Variants in ADGRB2 observed in about 807,000 individuals in gnomAD.
ADGRB2 encodes the protein adhesion G protein-coupled receptor B2, also known as brain-specific angiogenesis inhibitor 2.
In ADGRB2, 47 loss-of-function variants were observed where a neutral mutation model predicts 178.7. The ratio of observed to expected loss-of-function variants is 0.26; its 90% CI spans 0.21 to 0.34. The LOEUF (loss-of-function observed/expected upper bound fraction) is 0.34, where lower values mean the gene tolerates loss of function less well. ADGRB2 is among the 10% of genes least tolerant of loss of function. The probability of loss-of-function intolerance (pLI) is 1.00; values close to 1 mark genes in which losing one functional copy is unlikely to be tolerated. For missense variants in ADGRB2, 1,584 were observed against 2,180.8 expected (o/e 0.73, Z 5.45); for synonymous variants, 870 against 912.4 (o/e 0.95, Z 0.84).
intron 1 of ADGRB2, among the ~76,000 whole-genome samples, chr1:31,760,378 A>G (rs1039367030): frequency 1.3e-5 from 2 of 150,600 alleles, no homozygotes; most frequent in African/African-American, 4.9e-5. Context: ...CAAGAATCTC[A>G]CTCTGCCCAA....
In ADGRB2 at chr1:31,753,597, C is replaced by T. The variant is rs556858750; in HGVS notation, c.838+2402G>A. On this transcript the variant is annotated intron_variant, in intron 4 of 32. Coordinates refer to ENST00000373658, the MANE Select transcript of ADGRB2 (RefSeq NM_001364857.2). The surrounding 1 kb of genome is among the most constrained non-coding windows in gnomAD (Gnocchi z 4.1). ...CCCTTCCTGCTCACTACCATCCCCA[C>T]GAATCTTGCTCTCAGTCTGGCAGCT... Among the ~76,000 whole-genome samples, 3 of 152,198 alleles carry T rather than the reference C, an allele frequency of 2.0e-5. No individual in the cohort carries two copies. The highest frequency in any genetic ancestry group is 3.8e-4 in the East Asian group (2 of 5,196).
At position 31,740,895 on chromosome 1, in the gene ADGRB2, G is replaced by GCACACACACATA. The variant is rs1553185116; in HGVS notation, c.1795-355_1795-354insTATGTGTGTGTG. Among the ~76,000 whole-genome samples the GCACACACACATA allele has an allele frequency of 7.1e-6, 1 of 140,390 alleles. No individual in the cohort carries two copies. The highest frequency in any genetic ancestry group is 2.4e-4 in the South Asian group (1 of 4,246). The allele number at this position is 140,390 out of a possible 152,430, so 92.1% of individuals were successfully genotyped here. On this transcript the variant is annotated intron_variant, in intron 11 of 32. Coordinates refer to ENST00000373658, the MANE Select transcript of ADGRB2 (RefSeq NM_001364857.2). This position sits in a 1 kb window ranked among gnomAD's most constrained non-coding sequence, Gnocchi z 5.9. ...AATGAGCATGTGTGTGGGCGCGCGC[G>GCACACACACATA]CACACACACACACACACACACACAC...
At position 31,741,251 on chromosome 1, in the gene ADGRB2, G is replaced by T; in HGVS notation, c.1794+122C>A. On this transcript the variant is annotated intron_variant, in intron 11 of 32. Coordinates refer to ENST00000373658, the MANE Select transcript of ADGRB2 (RefSeq NM_001364857.2). This position sits in a 1 kb window ranked among gnomAD's most constrained non-coding sequence, Gnocchi z 6.5. ...TGCCAGACAAGGAGAGGCACAGCCA[G>T]GCAGAAGTGGGCACAGCATATGCCA... is the stretch of plus-strand genomic sequence containing the variant. 1.0e-6 allele frequency: 1 copy of T among 991,184 alleles called. No homozygotes were observed. The highest frequency in any genetic ancestry group is 1.5e-6 in the Non-Finnish European group (1 of 664,808). The allele number at this position is 991,184 out of a possible 1,614,324, so 61.4% of individuals were successfully genotyped here.
rs200841361 is a variant in ADGRB2 at position 31,756,845 on chromosome 1, C to T, written c.22-30G>A. ...GGAGAGAGACAGTGGTCAGCGGGCC[C>T]CCAGCACAGCCAGCATGGGCTCTGA... On this transcript the variant is annotated intron_variant, in intron 3 of 32. Transcript: ENST00000373658. This position sits in a 1 kb window ranked among gnomAD's most constrained non-coding sequence, Gnocchi z 8.5. The T allele has an allele frequency of 1.8e-5, 26 of 1,449,246 alleles. No homozygotes were observed. Among genetic ancestry groups the T allele is most frequent in the Admixed American group, 2.8e-5 (1 of 35,396 alleles). The allele number at this position is 1,449,246 out of a possible 1,614,324, so 89.8% of individuals were successfully genotyped here.
At position 31,744,076 on chromosome 1, in the gene ADGRB2, G is replaced by T; in HGVS notation, c.1087+117C>A. 1 of 1,308,946 alleles carries T rather than the reference G, an allele frequency of 7.6e-7. No individual in the cohort carries two copies. Among genetic ancestry groups the T allele is most frequent in the Non-Finnish European group, 1.0e-6 (1 of 971,688 alleles). 81.1% of individuals were successfully genotyped at this position (1,308,946 alleles called of 1,614,324 possible). A position where few individuals can be genotyped will look rare whatever the true frequency, so the allele number is the denominator to read the frequency against. On this transcript the variant is annotated intron_variant, in intron 6 of 32. Coordinates refer to ENST00000373658, the MANE Select transcript of ADGRB2 (RefSeq NM_001364857.2). The surrounding 1 kb of genome is among the most constrained non-coding windows in gnomAD (Gnocchi z 6.7). ...AGAGTTGGGCATGGTGTGGGGAACAGCCACATTTGTTGAATGAAAGGAGGA... is the reference window on the plus strand; with the variant it reads ...AGAGTTGGGCATGGTGTGGGGAACATCCACATTTGTTGAATGAAAGGAGGA...
chr1:31,740,886 G>GGCGCGC lies in ADGRB2; in HGVS notation c.1795-351_1795-346dup, dbSNP rs199971730. 9.6e-6 allele frequency among the ~76,000 whole-genome samples: 1 copy of GGCGCGC among 104,704 alleles called. No homozygotes were observed. The highest frequency in any genetic ancestry group is 2.0e-5 in the Non-Finnish European group (1 of 50,668). 68.7% of individuals were successfully genotyped at this position (104,704 alleles called of 152,430 possible). A position where few individuals can be genotyped will look rare whatever the true frequency, so the allele number is the denominator to read the frequency against. On this transcript the variant is annotated intron_variant, in intron 11 of 32. Transcript: ENST00000373658. This position sits in a 1 kb window ranked among gnomAD's most constrained non-coding sequence, Gnocchi z 5.9. ...CTGGAGTGTAATGAGCATGTGTGTGGGCGCGCGCGCACACACACACACACA... is the reference window on the plus strand; with the variant it reads ...CTGGAGTGTAATGAGCATGTGTGTGGGCGCGCGCGCGCGCGCACACACACACACACA...
rs1203973967 is a variant in ADGRB2 at position 31,742,218 on chromosome 1, C to T, written c.1253-1G>A. On this transcript the variant is annotated splice_acceptor_variant, in intron 7 of 32. Transcript: ENST00000373658. LOFTEE classifies it high-confidence loss of function. Reference sequence around the variant, plus strand: ...CCCCATTCTAACCACTGGCCTTCCACTGCATGGGGAGACACAAGCAGGGGT... The same window carrying T: ...CCCCATTCTAACCACTGGCCTTCCATTGCATGGGGAGACACAAGCAGGGGT... The T allele has an allele frequency of 4.4e-6, 7 of 1,595,376 alleles. No homozygotes were observed. The highest frequency in any genetic ancestry group is 6.0e-6 in the Non-Finnish European group (7 of 1,169,440).
At chr1:31,739,684 AG>A (rs1227169697) in intron 14 of ADGRB2, 49 bp from the exon 15 acceptor site, 1 of 1,530,346 alleles carries the variant, frequency 6.5e-7, no homozygotes, top group Admixed American at 2.0e-5. Flanking sequence ...GCAGAAACAA[AG>A]GGTGGCAGAC....
In ADGRB2 at chr1:31,727,958, G is replaced by A. The variant is rs1407947600; in HGVS notation, c.4572+67C>T. The A allele has an allele frequency of 2.0e-6, 3 of 1,495,528 alleles. No homozygotes were observed. Among genetic ancestry groups the A allele is most frequent in the Non-Finnish European group, 2.7e-6 (3 of 1,120,590 alleles). 92.6% of individuals were successfully genotyped at this position (1,495,528 alleles called of 1,614,324 possible). A position where few individuals can be genotyped will look rare whatever the true frequency, so the allele number is the denominator to read the frequency against. On this transcript the variant is annotated intron_variant, in intron 32 of 32. Coordinates refer to ENST00000373658, the MANE Select transcript of ADGRB2 (RefSeq NM_001364857.2). The surrounding 1 kb of genome is among the most constrained non-coding windows in gnomAD (Gnocchi z 4.4). ...GACAGGCTGGGGTTGCCTGGGAGGGGCAGGAGGGCAGGGAGGGCACGGGTC... is the reference window on the plus strand; with the variant it reads ...GACAGGCTGGGGTTGCCTGGGAGGGACAGGAGGGCAGGGAGGGCACGGGTC...
rs763855122 is a variant in ADGRB2 at position 31,755,452 on chromosome 1, T to A, written c.838+547A>T. On this transcript the variant is annotated intron_variant, in intron 4 of 32. Coordinates refer to ENST00000373658, the MANE Select transcript of ADGRB2 (RefSeq NM_001364857.2). This position sits in a 1 kb window ranked among gnomAD's most constrained non-coding sequence, Gnocchi z 5.1. ...CCAAGGCAGCCTGGAAGCTCAGGCCTCTTCACCCAGGGACACTCTTCCTTG... is the reference window on the plus strand; with the variant it reads ...CCAAGGCAGCCTGGAAGCTCAGGCCACTTCACCCAGGGACACTCTTCCTTG... Among the ~76,000 whole-genome samples, 1 of 152,106 alleles carries A rather than the reference T, an allele frequency of 6.6e-6. No individual in the cohort carries two copies. Among genetic ancestry groups the A allele is most frequent in the Non-Finnish European group, 1.5e-5 (1 of 68,010 alleles).
At chr1:31,736,885 A>C (rs1645638070) in intron 20 of ADGRB2, among the ~76,000 whole-genome samples, 162 bp from the exon 21 acceptor site, 1 of 152,104 alleles carries the variant, frequency 6.6e-6, no homozygotes, top group Non-Finnish European at 1.5e-5. Flanking sequence ...ACCCACACAC[A>C]GCACGACACG....
Position 31,728,756 on chromosome 1 carries a change from G to T in ADGRB2, c.4381-123C>A, listed in dbSNP as rs1003022755. The T allele has an allele frequency of 1.7e-6, 2 of 1,180,398 alleles. No individual in the cohort carries two copies. The highest frequency in any genetic ancestry group is 1.2e-5 in the South Asian group (1 of 80,016). 73.1% of individuals were successfully genotyped at this position (1,180,398 alleles called of 1,614,324 possible). ...CCGCTGCACCTTCCCCCCAACCCAG[G>T]CCCAGAAGTTGCGGACCTTCATGGG... On this transcript the variant is annotated intron_variant, in intron 29 of 32. Transcript: ENST00000373658. The surrounding 1 kb of genome is among the most constrained non-coding windows in gnomAD (Gnocchi z 6.7).
intron 20 of ADGRB2, among the ~76,000 whole-genome samples, 185 bp from the exon 21 acceptor site, chr1:31,736,908 C>T (rs936047906): frequency 6.6e-6 from 1 of 152,196 alleles, no homozygotes; most frequent in Non-Finnish European, 1.5e-5. Flanking sequence ...CCTGGTGACA[C>T]ACACACAGCA....
rs772024500 is a variant in ADGRB2, at chr1:31,728,017, G to T, written c.4572+8C>A. ...CCACCTCACCCCACCCAGCCCGGGG[G>T]GACTCACGGTGCACACGCTCCGCTC... On this transcript the variant is annotated splice_region_variant and intron_variant, in intron 32 of 32. Transcript: ENST00000373658. This position sits in a 1 kb window ranked among gnomAD's most constrained non-coding sequence, Gnocchi z 6.7. The T allele has an allele frequency of 6.4e-7, 1 of 1,556,808 alleles. No individual in the cohort carries two copies. The highest frequency in any genetic ancestry group is 8.7e-7 in the Non-Finnish European group (1 of 1,155,766).
chr1:31,736,417 G>A (rs1310484629), intron 21 of ADGRB2, 27 bp from the exon 22 acceptor site: 1 of 1,613,192 alleles, frequency 6.2e-7, no homozygotes, highest in Non-Finnish European at 8.5e-7. Flanking sequence ...GCCAGAGTGA[G>A]ATGGTTGCTG....
At chr1:31,750,391 G>A (rs1481754117) in intron 4 of ADGRB2, among the ~76,000 whole-genome samples, 1 of 152,174 alleles carries the variant, frequency 6.6e-6, no homozygotes, top group Non-Finnish European at 1.5e-5. Context: ...ACCACAGAGA[G>A]GCCCCTCTTG....
At position 31,740,987 on chromosome 1, in the gene ADGRB2, C is replaced by T. The variant is rs771442131; in HGVS notation, c.1794+386G>A. The stretch of plus-strand genomic sequence containing the variant: ...TCTAAATGCATTCACACAATTAATA[C>T]CCAATTACAGTCAAACATGTACACA... On this transcript the variant is annotated intron_variant, in intron 11 of 32. Transcript: ENST00000373658. This position sits in a 1 kb window ranked among gnomAD's most constrained non-coding sequence, Gnocchi z 5.9. 1.3e-5 allele frequency among the ~76,000 whole-genome samples: 2 copies of T among 151,750 alleles called. No individual in the cohort carries two copies. The highest frequency in any genetic ancestry group is 2.9e-5 in the Non-Finnish European group (2 of 67,970).
chr1:31,731,408 C>A lies in ADGRB2; in HGVS notation c.3772G>T (p.Glu1258Ter). Residue 1258 changes from glutamate (E) to a stop codon, truncating the protein, a stop_gained, in exon 29 of 33, where the codon GAG becomes TAG. Transcript: ENST00000373658. LOFTEE classifies it high-confidence loss of function. ...DLACQTVLFK[E>*]VNTCNPSTIT... ...GTGGACGGGTTGCAAGTGTTGACCTCCTTGAACAGCACTGGGGGCAGGAGT... is the reference window on the plus strand; with the variant it reads ...GTGGACGGGTTGCAAGTGTTGACCTACTTGAACAGCACTGGGGGCAGGAGT... The A allele has an allele frequency of 6.3e-7, 1 of 1,599,062 alleles. No homozygotes were observed. Among genetic ancestry groups the A allele is most frequent in the Non-Finnish European group, 8.5e-7 (1 of 1,172,182 alleles).
Position 31,744,485 on chromosome 1 carries a change from C to T in ADGRB2, c.923-128G>A. 2 of 1,443,314 alleles carry T rather than the reference C, an allele frequency of 1.4e-6. No homozygotes were observed. Among genetic ancestry groups the T allele is most frequent in the Non-Finnish European group, 1.9e-6 (2 of 1,064,078 alleles). 89.4% of individuals were successfully genotyped at this position (1,443,314 alleles called of 1,614,324 possible). ...CTCCTCCTACCCTGACCCCAAGTAA[C>T]AGGCTCTTCAGGAGGCCACCCAGCC... On this transcript the variant is annotated intron_variant, in intron 5 of 32. Transcript: ENST00000373658. This position sits in a 1 kb window ranked among gnomAD's most constrained non-coding sequence, Gnocchi z 6.7.
Sources: allele counts gnomAD v4.1 joint callset (sites outside exome capture counted in the v4.1 genomes callset), GRCh38; gene constraint gnomAD v4.1.1; non-coding constraint Gnocchi (gnomAD v3.1); transcripts MANE v1.5; gene names NCBI Gene and HGNC (gene_info 2026-07-23, HGNC 2026-07-21).